The following SIN3B variants were observed in gnomAD, a reference collection of about 807,000 sequenced individuals.
SIN3B encodes the protein SIN3 transcription regulator family member B, also known as paired amphipathic helix protein Sin3b.
SIN3B carries 19 observed loss-of-function variants against 120.2 expected under a neutral mutation model. The observed-to-expected ratio is 0.16, with a 90% confidence interval of 0.11 to 0.23. The LOEUF is 0.23. Ranked by LOEUF, SIN3B falls within the 10% of genes least tolerant of loss-of-function variation. The probability of loss-of-function intolerance (pLI) is 1.00; values close to 1 mark genes in which losing one functional copy is unlikely to be tolerated. For missense variants in SIN3B, 1,073 were observed against 1,573.0 expected (o/e 0.68, Z 5.38); for synonymous variants, 654 against 653.2 (o/e 1.00, Z -0.02).
intron 3 of SIN3B, among the ~76,000 whole-genome samples, chr19:16,836,008 A>T (rs1167676462): frequency 6.6e-6 from 1 of 152,072 alleles, no homozygotes; most frequent in East Asian, 1.9e-4. Context: ...CCCCAATTTT[A>T]TCACAAAGCC....
At chr19:16,868,309 G>A (rs1971806692) in intron 12 of SIN3B, among the ~76,000 whole-genome samples, 1 of 152,138 alleles carries the variant, frequency 6.6e-6, no homozygotes, top group Admixed American at 6.5e-5. Context: ...GCCTTGCAGG[G>A]GAGGAGGAAG....
chr19:16,837,267 G>A (rs756807623), intron 3 of SIN3B, among the ~76,000 whole-genome samples: 4 of 152,166 alleles, frequency 2.6e-5, no homozygotes, highest in African/African-American at 4.8e-5. Flanking sequence ...TCTGGGAGGC[G>A]GTTCTGCTGC....
chr19:16,861,303 G>A (rs531619351), intron 8 of SIN3B, among the ~76,000 whole-genome samples: 1 of 152,312 alleles, frequency 6.6e-6, no homozygotes, highest in Admixed American at 6.5e-5. Context: ...GTACACAAGT[G>A]GATGTGACTG....
At chr19:16,853,748 T>G (rs1055141321) in intron 7 of SIN3B, among the ~76,000 whole-genome samples, 1 of 147,106 alleles carries the variant, frequency 6.8e-6, no homozygotes, top group East Asian at 2.0e-4. Context: ...CGAACTGAAT[T>G]GCTGCATGGA....
At chr19:16,838,163 G>A (rs1258896719) in intron 3 of SIN3B, among the ~76,000 whole-genome samples, 1 of 152,114 alleles carries the variant, frequency 6.6e-6, no homozygotes, top group Non-Finnish European at 1.5e-5. Context: ...GATTGGTTGT[G>A]ATTTTTACAT....
chr19:16,854,252 C>G lies in SIN3B; in HGVS notation c.1049C>G (p.Pro350Arg), dbSNP rs750144359. Reference protein sequence around the residue: ...SGSELLQLVSPFLGKFPELFA... With the variant: ...SGSELLQLVSRFLGKFPELFA... ...TCTGAGCTCCTGCAGCTCGTCAGCC[C>G]ATTTCTGGGGTGAGCAGCTGACTTC... is the stretch of plus-strand genomic sequence containing the variant. The change falls in exon 8 of 19, where the codon CCA (proline) becomes CGA (arginine). Residue 350 changes from proline (P) to arginine (R), a missense_variant. This residue lies in a region of SIN3B where 395 missense variants were observed against 528.0 expected (regional missense o/e 0.75). Transcript: ENST00000248054. 1 of 1,610,920 alleles carries G rather than the reference C, an allele frequency of 6.2e-7. No individual in the cohort carries two copies. Among genetic ancestry groups the G allele is most frequent in the Non-Finnish European group, 8.5e-7 (1 of 1,178,832 alleles).
chr19:16,865,570 T>C lies in SIN3B; in HGVS notation c.1544T>C (p.Ile515Thr). The change falls in exon 11 of 19, where the codon ATC becomes ACC. Residue 515 changes from isoleucine to threonine, a missense_variant. Transcript: ENST00000248054. ...ATCCAGCGCCGTGCCATTTATCGCA[T>C]CTATGGCGACAAGGCCCCGGAGATC... ...EVIQRRAIYR[I>T]YGDKAPEIIE... 1 of 1,613,476 alleles carries C rather than the reference T, an allele frequency of 6.2e-7. No homozygotes were observed. Among genetic ancestry groups the C allele is most frequent in the Non-Finnish European group, 8.5e-7 (1 of 1,179,696 alleles).
chr19:16,830,769 T>C lies in SIN3B; in HGVS notation c.228-725T>C, dbSNP rs1971268358. Reference sequence around the variant, plus strand: ...TTCTTGGCAGTACCATTGGTATTTATGCATTGCAATTGTTTGCTCAGATGG... The same window carrying C: ...TTCTTGGCAGTACCATTGGTATTTACGCATTGCAATTGTTTGCTCAGATGG... On this transcript the variant is annotated intron_variant, in intron 2 of 18. Coordinates refer to ENST00000248054, the MANE Select transcript of SIN3B (RefSeq NM_001297595.2). Among the ~76,000 whole-genome samples, 3 of 152,362 alleles carry C rather than the reference T, an allele frequency of 2.0e-5. No individual in the cohort carries two copies. In the South Asian group the frequency reaches 6.2e-4, roughly 32 times the overall value.
chr19:16,861,172 A>T (rs1025360568), intron 8 of SIN3B, among the ~76,000 whole-genome samples: 1 of 152,124 alleles, frequency 6.6e-6, no homozygotes, highest in Admixed American at 6.5e-5. Context: ...TCACAGAGAG[A>T]AGTCTCCCTC....
At chr19:16,853,252 C>A in intron 7 of SIN3B, 94 bp downstream of exon 7, 1 of 1,191,780 alleles carries the variant, frequency 8.4e-7, no homozygotes, top group Non-Finnish European at 1.2e-6. Flanking sequence ...GGGCGGGGAG[C>A]AGGTAGGGTG....
At chr19:16,867,902 T>TGTG (rs1341417122) in intron 12 of SIN3B, among the ~76,000 whole-genome samples, 2 of 152,178 alleles carry the variant, frequency 1.3e-5, no homozygotes, top group Non-Finnish European at 2.9e-5. Context: ...TCTGTGGGTC[T>TGTG]GTGGTGTCTG....
chr19:16,875,814 T>C (rs1372099174), intron 14 of SIN3B: 2 of 561,770 alleles, frequency 3.6e-6, no homozygotes, highest in African/African-American at 3.8e-5. Context: ...CTGTTTGGTC[T>C]GGTCTGGTCT....
intron 12 of SIN3B, 28 bp downstream of exon 12, chr19:16,866,584 G>T: frequency 6.2e-7 from 1 of 1,608,748 alleles, no homozygotes; most frequent in South Asian, 1.1e-5. Context: ...CCTGCCGGCC[G>T]GTGGGGGTGG....
chr19:16,867,828 A>G (rs1354101584), intron 12 of SIN3B, among the ~76,000 whole-genome samples: 2 of 151,972 alleles, frequency 1.3e-5, no homozygotes, highest in Non-Finnish European at 2.9e-5. Context: ...AGGCCCACCC[A>G]CAACCACTCT....
At chr19:16,868,955 G>A (rs894582783) in intron 12 of SIN3B, among the ~76,000 whole-genome samples, 2 of 152,172 alleles carry the variant, frequency 1.3e-5, no homozygotes, top group Non-Finnish European at 2.9e-5. Flanking sequence ...GAGGGCAGAG[G>A]CAGAGAGGTC....
intron 8 of SIN3B, among the ~76,000 whole-genome samples, chr19:16,860,972 A>G (rs1971680765): frequency 1.3e-5 from 2 of 151,892 alleles, no homozygotes; most frequent in African/African-American, 4.8e-5. Context: ...CTGGTCTCAA[A>G]CTCTTGAGCT....
chr19:16,850,301 A>C lies in SIN3B; in HGVS notation c.727-1111A>C, dbSNP rs188250043. On this transcript the variant is annotated intron_variant, in intron 5 of 18. Transcript: ENST00000248054. Reference sequence around the variant, plus strand: ...CTTCCTCTCCCTTGACTCAGTTCTTAGTCATTCTTCTCAGAGGTTAGCACT... The same window carrying C: ...CTTCCTCTCCCTTGACTCAGTTCTTCGTCATTCTTCTCAGAGGTTAGCACT... Among the ~76,000 whole-genome samples, 52 of 152,300 alleles carry C rather than the reference A, an allele frequency of 3.4e-4. No individual in the cohort carries two copies. The East Asian group carries it at 9.8e-3, about 29-fold the overall frequency.
At position 16,863,690 on chromosome 19, in the gene SIN3B, A is replaced by T. The variant is rs1298585259; in HGVS notation, c.1277A>T (p.Asp426Val). 6.2e-7 allele frequency: 1 copy of T among 1,613,026 alleles called. No individual in the cohort carries two copies. Among genetic ancestry groups the T allele is most frequent in the Non-Finnish European group, 8.5e-7 (1 of 1,179,078 alleles). The change falls in exon 10 of 19, where the codon GAC becomes GTC. Residue 426 changes from aspartate to valine, a missense_variant. Coordinates refer to ENST00000248054, the MANE Select transcript of SIN3B (RefSeq NM_001297595.2). ...RTAICKEVLN[D>V]TWVSFPSWSE... is the part of the protein sequence containing the mutation. ...TTCCTCTTGGTGCAGGTACTGAACG[A>T]CACCTGGGTCTCCTTCCCTTCCTGG...
chr19:16,866,168 G>C (rs1036280901), intron 11 of SIN3B, among the ~76,000 whole-genome samples: 5 of 152,124 alleles, frequency 3.3e-5, no homozygotes. Flanking sequence ...TGGAGGAACC[G>C]GGAAGCCGGC....
Sources: allele counts gnomAD v4.1 joint callset (sites outside exome capture counted in the v4.1 genomes callset), GRCh38; gene constraint gnomAD v4.1.1; regional missense constraint gnomAD v4.1.1; transcripts MANE v1.5; gene names NCBI Gene and HGNC (gene_info 2026-07-23, HGNC 2026-07-21).